Variants in CREB5 observed in about 807,000 individuals in gnomAD.
CREB5 encodes the protein cyclic AMP-responsive element-binding protein 5.
In CREB5, 19 loss-of-function variants were observed where a neutral mutation model predicts 57.1. The observed-to-expected ratio is 0.33, with a 90% confidence interval of 0.23 to 0.49. The LOEUF is 0.49. CREB5 is among the 20% of genes least tolerant of loss of function. The pLI, the probability that CREB5 is intolerant of heterozygous loss-of-function variation, is 0.99. For synonymous variants in CREB5, 238 were observed against 238.3 expected (o/e 1.00, Z 0.01); for missense variants, 579 against 671.6 (o/e 0.86, Z 1.52).
At chr7:28,678,509 A>G (rs900503365) in intron 5 of CREB5, among the ~76,000 whole-genome samples, 2 of 152,216 alleles carry the variant, frequency 1.3e-5, no homozygotes, top group African/African-American at 2.4e-5. Flanking sequence ...AAGAGTCACT[A>G]TGATCATTTT....
At chr7:28,358,978 CTTTCT>C (rs1583396164) in intron 1 of CREB5, among the ~76,000 whole-genome samples, 1 of 152,178 alleles carries the variant, frequency 6.6e-6, no homozygotes, top group African/African-American at 2.4e-5. Context: ...TTCCCCTCTC[CTTTCT>C]TTTCTTCTTT....
At chr7:28,518,878 A>G (rs1373972782) in intron 4 of CREB5, among the ~76,000 whole-genome samples, 1 of 152,294 alleles carries the variant, frequency 6.6e-6, no homozygotes, top group East Asian at 1.9e-4. Flanking sequence ...ATCGCTCTCT[A>G]AAAGTCACAC....
At chr7:28,680,518 A>T (rs961426659) in intron 5 of CREB5, among the ~76,000 whole-genome samples, 1 of 152,110 alleles carries the variant, frequency 6.6e-6, no homozygotes, top group African/African-American at 2.4e-5. Context: ...AGCACTTTGG[A>T]AGGCCAAGCT....
At chr7:28,479,983 G>T (rs570700242) in intron 1 of CREB5, among the ~76,000 whole-genome samples, 46 of 151,198 alleles carry the variant, frequency 3.0e-4, no homozygotes, top group African/African-American at 1.1e-3. Flanking sequence ...GTATATTGTT[G>T]CTGAAGATAT....
At chr7:28,560,961 C>CGTGCGT (rs1795215461) in intron 4 of CREB5, among the ~76,000 whole-genome samples, 11 of 23,914 alleles carry the variant, frequency 4.6e-4, no homozygotes, top group African/African-American at 1.4e-3. Flanking sequence ...CGTGTGTGTG[C>CGTGCGT]GTGTGTGTGT....
At chr7:28,630,850 G>A (rs892447907) in intron 5 of CREB5, among the ~76,000 whole-genome samples, 1 of 152,110 alleles carries the variant, frequency 6.6e-6, no homozygotes, top group African/African-American at 2.4e-5. Flanking sequence ...TCAATATTTA[G>A]TCAACATTAA....
chr7:28,726,356 T>A (rs1803338547), intron 7 of CREB5, among the ~76,000 whole-genome samples: 1 of 152,154 alleles, frequency 6.6e-6, no homozygotes. Flanking sequence ...GAAAGAATAG[T>A]ACTGGAAAAA....
chr7:28,795,597 G>A (rs772697452), intron 7 of CREB5, among the ~76,000 whole-genome samples: 7 of 152,150 alleles, frequency 4.6e-5, no homozygotes, highest in Non-Finnish European at 7.3e-5. Context: ...TTCGCATAAG[G>A]TGGCATCATA....
At chr7:28,335,670 T>C (rs1785809713) in intron 1 of CREB5, among the ~76,000 whole-genome samples, 1 of 152,148 alleles carries the variant, frequency 6.6e-6, no homozygotes, top group African/African-American at 2.4e-5. Flanking sequence ...GACTTATTCC[T>C]TTCTAATTTG....
chr7:28,371,846 T>C (rs558103255), intron 1 of CREB5, among the ~76,000 whole-genome samples: 2 of 152,198 alleles, frequency 1.3e-5, no homozygotes, highest in South Asian at 4.1e-4. Context: ...TGAGCGCTTG[T>C]GACTGGCCTG....
intron 4 of CREB5, among the ~76,000 whole-genome samples, chr7:28,560,837 T>TGCGTGCGTGC (rs1562797074): frequency 2.2e-5 from 2 of 92,230 alleles, no homozygotes; most frequent in African/African-American, 4.4e-5. Context: ...CGCGCGCGTG[T>TGCGTGCGTGC]GTGTGTGCGC....
intron 7 of CREB5, among the ~76,000 whole-genome samples, chr7:28,792,632 T>C (rs1414893849): frequency 1.3e-5 from 2 of 152,210 alleles, no homozygotes; most frequent in Non-Finnish European, 2.9e-5. Context: ...TTTAAATGCC[T>C]CGAATGTAGA....
In CREB5 at chr7:28,703,770, T is replaced by G. The variant is rs116060174; in HGVS notation, c.465-14983T>G. ...AAGCCCACCCACATTGGGGAAGGTA[T>G]ACTGCATTACTCAGTCTACCAATTC... On this transcript the variant is annotated intron_variant, in intron 5 of 10. Coordinates refer to ENST00000357727, the MANE Select transcript of CREB5 (RefSeq NM_182898.4). Among the ~76,000 whole-genome samples the G allele has an allele frequency of 7.7e-3, 1,180 of 152,312 alleles. 14 individuals carry two copies. Among genetic ancestry groups the G allele is most frequent in the African/African-American group, 0.026 (1,098 of 41,566 alleles).
At chr7:28,435,673 C>T (rs1033178358) in intron 1 of CREB5, 2 of 985,064 alleles carry the variant, frequency 2.0e-6, no homozygotes, top group African/African-American at 1.7e-5. Flanking sequence ...ATGAGGAGCT[C>T]ATATTTATTT....
intron 1 of CREB5, among the ~76,000 whole-genome samples, chr7:28,371,295 C>T (rs560409397): frequency 6.6e-6 from 1 of 151,952 alleles, no homozygotes; most frequent in South Asian, 2.1e-4. Context: ...ATGGTGAAAG[C>T]CCATCTCTAC....
intron 7 of CREB5, among the ~76,000 whole-genome samples, chr7:28,797,230 T>TA (rs1389727304): frequency 5.3e-5 from 8 of 152,308 alleles, no homozygotes; most frequent in African/African-American, 1.7e-4. Context: ...TTTTCTTGCT[T>TA]ACATTAGATC....
intron 4 of CREB5, 37 bp downstream of exon 4, chr7:28,507,774 T>G: frequency 6.4e-7 from 1 of 1,562,774 alleles, no homozygotes; most frequent in Non-Finnish European, 8.7e-7. Flanking sequence ...AGAGGTGTCC[T>G]GCTAGAAACT....
chr7:28,555,108 A>AG (rs1322336026), intron 4 of CREB5, among the ~76,000 whole-genome samples: 2 of 18,212 alleles, frequency 1.1e-4, no homozygotes, highest in African/African-American at 8.3e-4. Flanking sequence ...TATAAGCTGC[A>AG]TTGTGTGTGT....
intron 7 of CREB5, among the ~76,000 whole-genome samples, chr7:28,756,345 G>T (rs935598789): frequency 6.6e-6 from 1 of 152,114 alleles, no homozygotes; most frequent in Non-Finnish European, 1.5e-5. Flanking sequence ...CTGAGGTTGG[G>T]AGTTCGAGAC....
Sources: gnomAD v4.1 joint callset for allele counts (sites outside exome capture counted in the v4.1 genomes callset) on GRCh38, gnomAD v4.1.1 for gene constraint, MANE v1.5 for transcripts, NCBI Gene and HGNC (gene_info 2026-07-23, HGNC 2026-07-21) for gene names.